The following CAMK2G variants were observed in gnomAD, a reference collection of about 807,000 sequenced individuals.
CAMK2G encodes the protein calcium/calmodulin dependent protein kinase II gamma.
In CAMK2G, 23 loss-of-function variants were observed where a neutral mutation model predicts 88.7. That is an observed-to-expected ratio of 0.26 (90% CI 0.19 to 0.37). The LOEUF (loss-of-function observed/expected upper bound fraction) is 0.37. CAMK2G is among the 10% of genes least tolerant of loss of function. The pLI, the probability that CAMK2G is intolerant of heterozygous loss-of-function variation, is 1.00. For synonymous variants in CAMK2G, 263 were observed against 294.8 expected (o/e 0.89, Z 1.11); for missense variants, 476 against 780.8 (o/e 0.61, Z 4.65).
Position 73,817,513 on chromosome 10 carries a change from C to T in CAMK2G, c.1405G>A (p.Glu469Lys). The T allele has an allele frequency of 6.2e-7, 1 of 1,613,548 alleles. No individual in the cohort carries two copies. Among genetic ancestry groups the T allele is most frequent in the Non-Finnish European group, 8.5e-7 (1 of 1,179,466 alleles). The change falls in exon 20 of 23, where the codon GAA (glutamate) becomes AAA (lysine). Residue 469 changes from glutamate (E) to lysine (K), a missense_variant. Physicochemically the swap from Glu to Lys is moderately conservative, Grantham distance 56. Transcript: ENST00000423381. ...EIIKITEQLI[E>K]AINNGDFEAY... ...TCAAAGTCCCCATTGTTGATGGCTT[C>T]AATCAGCTGTTCTGTAATCTTAATG...
chr10:73,870,262 T>C (rs534293711), intron 2 of CAMK2G, among the ~76,000 whole-genome samples: 183 of 152,320 alleles, frequency 1.2e-3, no homozygotes, highest in Non-Finnish European at 2.4e-3. Flanking sequence ...CTTGGAACCA[T>C]GGGCTCCCTT....
At chr10:73,849,220 C>T (rs2094457028) in intron 6 of CAMK2G, 41 bp downstream of exon 6, 1 of 1,589,064 alleles carries the variant, frequency 6.3e-7, no homozygotes, top group Non-Finnish European at 8.6e-7. Context: ...GTGGCGCCAA[C>T]ACTTCATGAG....
At chr10:73,816,032 T>C in intron 21 of CAMK2G, 2 of 985,300 alleles carry the variant, frequency 2.0e-6, no homozygotes, top group Non-Finnish European at 2.4e-6. Flanking sequence ...AGCTGAGATG[T>C]GATAAGGGTG....
chr10:73,837,425 G>A (rs769785924), intron 14 of CAMK2G, 43 bp downstream of exon 14: 13 of 1,518,044 alleles, frequency 8.6e-6, no homozygotes, highest in Middle Eastern at 3.4e-4. Flanking sequence ...TAGTGACTGC[G>A]GGGAGAAAGA....
intron 1 of CAMK2G, 64 bp downstream of exon 1, chr10:73,874,333 G>A (rs2096002885): frequency 1.7e-6 from 2 of 1,160,392 alleles, no homozygotes; most frequent in Non-Finnish European, 2.3e-6. Flanking sequence ...CGGGGGGCGG[G>A]GCGAGAAGCC....
In CAMK2G at chr10:73,853,160, A is replaced by G. The variant is rs201093924; in HGVS notation, c.275+32T>C. 5.1e-4 allele frequency: 815 copies of G among 1,603,722 alleles called. 4 individuals carry two copies. The highest frequency in any genetic ancestry group is 8.9e-5 in the Non-Finnish European group (104 of 1,170,582). The stretch of plus-strand genomic sequence containing the variant: ...TTCATTTTGAGTCAGCTAGAGGGAA[A>G]GGCCCCCACACCCTCAGAAAGTGGC... On this transcript the variant is annotated intron_variant, in intron 4 of 22. Transcript: ENST00000423381.
At chr10:73,816,462 ATT>A in intron 21 of CAMK2G, 1 of 1,091,280 alleles carries the variant, frequency 9.2e-7, no homozygotes, top group Non-Finnish European at 1.1e-6. Context: ...GGCTTAAATA[ATT>A]TTTTCTTTTT....
rs530680345 is a variant in CAMK2G at position 73,861,751 on chromosome 10, T to C, written c.161-862A>G. 4.6e-5 allele frequency among the ~76,000 whole-genome samples: 7 copies of C among 152,354 alleles called. No individual in the cohort carries two copies. The East Asian group carries it at 1.3e-3, about 29-fold the overall frequency. On this transcript the variant is annotated intron_variant, in intron 2 of 22. Coordinates refer to ENST00000423381, the MANE Select transcript of CAMK2G (RefSeq NM_001367534.1). ...CTGGCTAGGGGTTTTGCATATATTC[T>C]CTACATAGTCCTGATGGCAAGCCTG... is the stretch of plus-strand genomic sequence containing the variant.
intron 14 of CAMK2G, among the ~76,000 whole-genome samples, chr10:73,834,393 C>A (rs1432613772): frequency 6.6e-6 from 1 of 152,196 alleles, no homozygotes; most frequent in Non-Finnish European, 1.5e-5. Context: ...TGGCATAAAA[C>A]TCATTTACTG....
rs2084968922 is a variant in CAMK2G at position 73,815,052 on chromosome 10, T to G, written c.1730A>C (p.Tyr577Ser). 2.5e-6 allele frequency: 4 copies of G among 1,614,064 alleles called. No homozygotes were observed. Among genetic ancestry groups the G allele is most frequent in the South Asian group, 1.1e-5 (1 of 91,060 alleles). The change falls in exon 22 of 23, where the codon TAT (tyrosine) becomes TCT (serine). Residue 577 changes from tyrosine (Y) to serine (S), a missense_variant. Coordinates refer to ENST00000423381, the MANE Select transcript of CAMK2G (RefSeq NM_001367534.1). ...TGCGGCAGGGGCCCCTGAGCAGTGA[T>G]AGTGGACATTGAGCCACTTGCCATC... The part of the protein sequence containing the change: ...RRDGKWLNVH[Y>S]HCSGAPAAPL...
At chr10:73,851,642 A>T (rs2094621802) in intron 5 of CAMK2G, among the ~76,000 whole-genome samples, 1 of 149,960 alleles carries the variant, frequency 6.7e-6, no homozygotes, top group African/African-American at 2.4e-5. Context: ...GACATTGGGC[A>T]TGGTGGCGAG....
rs1013569585 is a variant in CAMK2G at position 73,873,180 on chromosome 10, C to A, written c.66-97G>T. On this transcript the variant is annotated intron_variant, in intron 1 of 22. Transcript: ENST00000423381. Reference sequence around the variant, plus strand: ...GGACGATGATGCTCCCACCACCAGACCTCTAGTCACACTCACGTACATGCA... The same window carrying A: ...GGACGATGATGCTCCCACCACCAGAACTCTAGTCACACTCACGTACATGCA... 3 of 1,000,818 alleles carry A rather than the reference C, an allele frequency of 3.0e-6. No homozygotes were observed. In the African/African-American group the frequency reaches 4.7e-5, roughly 16 times the overall value. 62.0% of individuals were successfully genotyped at this position (1,000,818 alleles called of 1,614,324 possible). A position where few individuals can be genotyped will look rare whatever the true frequency, so the allele number is the denominator to read the frequency against.
rs1191549550 is a variant in CAMK2G, at chr10:73,852,194, A to C, written c.341+60T>G. 7.2e-5 allele frequency: 99 copies of C among 1,373,116 alleles called. 1 individual carries two copies. The South Asian group carries it at 1.1e-3, about 15-fold the overall frequency. 85.1% of individuals were successfully genotyped at this position (1,373,116 alleles called of 1,614,324 possible). Reference sequence around the variant, plus strand: ...ACAATGCTGGACCCCGAAGGTGGCCAAGACTTCCTTCAGTCCTAAACTCCA... The same window carrying C: ...ACAATGCTGGACCCCGAAGGTGGCCCAGACTTCCTTCAGTCCTAAACTCCA... On this transcript the variant is annotated intron_variant, in intron 5 of 22. Transcript: ENST00000423381.
rs1285475075 is a variant in CAMK2G at position 73,867,676 on chromosome 10, G to A, written c.160+5313C>T. On this transcript the variant is annotated intron_variant, in intron 2 of 22. Transcript: ENST00000423381. ...CCCCACCGCACAGCCCAGAGAGGTG[G>A]GTACAGACGGGAATGGGGCCTCAGC... is the stretch of plus-strand genomic sequence containing the variant. Among the ~76,000 whole-genome samples the A allele has an allele frequency of 2.6e-5, 4 of 152,144 alleles. No homozygotes were observed. The South Asian group carries it at 6.2e-4, about 24-fold the overall frequency.
intron 2 of CAMK2G, among the ~76,000 whole-genome samples, chr10:73,864,015 A>C (rs142849888): frequency 1.3e-5 from 2 of 152,322 alleles, no homozygotes; most frequent in Non-Finnish European, 2.9e-5. Context: ...CCAGCAAGCT[A>C]TTAAACCCAC....
intron 2 of CAMK2G, among the ~76,000 whole-genome samples, chr10:73,863,958 C>CG (rs769442743): frequency 2.9e-4 from 44 of 152,336 alleles, no homozygotes; most frequent in Non-Finnish European, 5.7e-4. Flanking sequence ...AACAACACAT[C>CG]GGTTTTGAAG....
rs1356134139 is a variant in CAMK2G, at chr10:73,847,884, C to T, written c.696+104G>A. The T allele has an allele frequency of 1.8e-5, 12 of 663,808 alleles. 1 individual carries two copies. In the South Asian group the frequency reaches 1.9e-4, roughly 11 times the overall value. The allele number at this position is 663,808 out of a possible 1,614,324, so 41.1% of individuals were successfully genotyped here. A position where few individuals can be genotyped will look rare whatever the true frequency, so the allele number is the denominator to read the frequency against. ...GGGTCCTCAAAGTCCCCTGACACCC[C>T]CGTATCACGTGACACACTAAACAAG... On this transcript the variant is annotated intron_variant, in intron 9 of 22. Coordinates refer to ENST00000423381, the MANE Select transcript of CAMK2G (RefSeq NM_001367534.1).
chr10:73,816,352 A>T, intron 21 of CAMK2G: 1 of 999,480 alleles, frequency 1.0e-6, no homozygotes, highest in East Asian at 1.1e-4. Context: ...AATTTCCTCT[A>T]TTGTGAAACC....
At chr10:73,860,962 C>G in intron 2 of CAMK2G, 73 bp from the exon 3 acceptor site, 1 of 1,060,420 alleles carries the variant, frequency 9.4e-7, no homozygotes, top group Non-Finnish European at 1.5e-6. Context: ...TATTCATATT[C>G]CTTCAGTTCA....
Sources: allele counts gnomAD v4.1 joint callset (sites outside exome capture counted in the v4.1 genomes callset), GRCh38; gene constraint gnomAD v4.1.1; transcripts MANE v1.5; gene names NCBI Gene and HGNC (gene_info 2026-07-23, HGNC 2026-07-21).